The following LOXHD1 variants were observed in gnomAD, a reference collection of about 807,000 sequenced individuals.
LOXHD1 encodes the protein lipoxygenase homology PLAT domains 1.
LOXHD1 carries 205 observed loss-of-function variants against 248.2 expected under a neutral mutation model. The observed-to-expected ratio is 0.83, with a 90% CI of 0.74 to 0.93. The LOEUF (loss-of-function observed/expected upper bound fraction) is 0.93. Among genes scored for constraint, LOXHD1 ranks in the 40% least tolerant of loss-of-function variants. The probability of loss-of-function intolerance (pLI) is 0.00; values close to 1 mark genes in which losing one functional copy is unlikely to be tolerated. For synonymous variants in LOXHD1, 1,113 were observed against 1,162.8 expected, an observed-to-expected ratio of 0.96 and a Z score of 0.87; for missense variants, 2,930 against 2,971.6, an observed-to-expected ratio of 0.99 and a Z score of 0.33.
At chr18:46,646,352 C>G (rs958086945) in intron 2 of LOXHD1, among the ~76,000 whole-genome samples, 3 of 152,178 alleles carry the variant, frequency 2.0e-5, no homozygotes, top group Admixed American at 6.5e-5. Flanking sequence ...TGGAATTCCT[C>G]AGAAAGCAAT....
At chr18:46,538,443 T>G (rs1279064541) in intron 25 of LOXHD1, 106 bp from the exon 26 acceptor site, 1 of 1,138,942 alleles carries the variant, frequency 8.8e-7, no homozygotes, top group Non-Finnish European at 1.3e-6. Context: ...ACCCTTGCAC[T>G]GGGGAACTGC....
Position 46,507,656 on chromosome 18 carries a change from C to G in LOXHD1, c.5574G>C (p.Trp1858Cys). 1 of 1,551,732 alleles carries G rather than the reference C, an allele frequency of 6.4e-7. No individual in the cohort carries two copies. The highest frequency in any genetic ancestry group is 2.4e-5 in the East Asian group (1 of 40,910). ...TCTTCTTGCCCTTCCGCTGGGACAG[C>G]CAGTCTCCATAGTAGAACATGGTCA... Reference protein sequence around the residue: ...GDLTMFYYGDWLSQRKGKKTL... With the variant: ...GDLTMFYYGDCLSQRKGKKTL... The change falls in exon 36 of 41, where the codon TGG (tryptophan) becomes TGC (cysteine). Residue 1858 changes from tryptophan (W) to cysteine (C), a missense_variant. Trp to Cys is a radical substitution (Grantham distance 215). Transcript: ENST00000642948.
intron 26 of LOXHD1, among the ~76,000 whole-genome samples, chr18:46,536,905 C>T (rs540822847): frequency 6.6e-6 from 1 of 152,304 alleles, no homozygotes; most frequent in Admixed American, 6.5e-5. Context: ...GAGGGCCCAG[C>T]CTTCTGAGGC....
At position 46,546,925 on chromosome 18, in the gene LOXHD1, G is replaced by T. The variant is rs1568168739; in HGVS notation, c.3484C>A (p.Pro1162Thr). The T allele has an allele frequency of 1.3e-6, 2 of 1,551,532 alleles. No homozygotes were observed. The highest frequency in any genetic ancestry group is 4.9e-5 in the East Asian group (2 of 40,918). ...TGCTCCAGGGCCAGGTTGTCGAGGG[G>T]GTTGTTGTCACCGCCTCCCCTACCC... ...EEGRGGGDNN[P>T]LDNLALEQKD... The change falls in exon 22 of 41, where the codon CCC becomes ACC. Residue 1162 changes from proline (P) to threonine (T), a missense_variant. Physicochemically the swap from Pro to Thr is conservative, Grantham distance 38. Transcript: ENST00000642948.
chr18:46,589,411 T>C (rs2038123540), intron 12 of LOXHD1, among the ~76,000 whole-genome samples: 7 of 152,180 alleles, frequency 4.6e-5, no homozygotes, highest in Admixed American at 4.6e-4. Context: ...ACAGATTCTT[T>C]TGTTTTCATT....
rs77939017 is a variant in LOXHD1, at chr18:46,490,380, G to A, written c.5879-1238C>T. ...TCCAGGTTGAAAAAGTACTTCTTAC[G>A]TTTTGTAAACACAGGTCTTCACTGA... On this transcript the variant is annotated intron_variant, in intron 37 of 40. Transcript: ENST00000642948. Among the ~76,000 whole-genome samples the A allele has an allele frequency of 6.6e-3, 1,008 of 152,300 alleles. 9 individuals carry two copies. The highest frequency in any genetic ancestry group is 0.023 in the African/African-American group (939 of 41,556).
intron 3 of LOXHD1, among the ~76,000 whole-genome samples, chr18:46,640,855 C>G (rs1324827147): frequency 6.6e-6 from 1 of 152,116 alleles, no homozygotes; most frequent in Non-Finnish European, 1.5e-5. Flanking sequence ...TTTCTTGACC[C>G]CTGGACCTCA....
At chr18:46,617,530 G>A (rs1297494218) in intron 5 of LOXHD1, among the ~76,000 whole-genome samples, 2 of 148,786 alleles carry the variant, frequency 1.3e-5, no homozygotes, top group African/African-American at 2.4e-5. Flanking sequence ...CTGGCACCTG[G>A]AGATTTCTCT....
chr18:46,483,881 C>T (rs977164752), intron 39 of LOXHD1, 136 bp from the exon 40 acceptor site: 8 of 1,044,146 alleles, frequency 7.7e-6, no homozygotes, highest in Non-Finnish European at 1.1e-5. Flanking sequence ...TCATGGCAGT[C>T]CTGGAGGCTT....
intron 2 of LOXHD1, among the ~76,000 whole-genome samples, chr18:46,647,346 T>C (rs2039044529): frequency 2.0e-5 from 3 of 152,182 alleles, no homozygotes; most frequent in Admixed American, 6.5e-5. Flanking sequence ...CAGGGGCCCT[T>C]CCTGAGAAGA....
At chr18:46,593,571 C>T (rs1269344183) in intron 10 of LOXHD1, 29 bp downstream of exon 10, 1 of 1,549,880 alleles carries the variant, frequency 6.5e-7, no homozygotes, top group Non-Finnish European at 8.7e-7. Flanking sequence ...CCTCCTTTCT[C>T]CCTCCCATCC....
intron 2 of LOXHD1, among the ~76,000 whole-genome samples, chr18:46,645,635 G>A (rs1227143682): frequency 1.3e-5 from 2 of 152,148 alleles, no homozygotes; most frequent in Non-Finnish European, 2.9e-5. Context: ...ACTGGGGTGG[G>A]GTCGGGGTAG....
intron 33 of LOXHD1, 79 bp downstream of exon 33, chr18:46,521,018 C>T: frequency 6.8e-7 from 1 of 1,481,250 alleles, no homozygotes; most frequent in Non-Finnish European, 9.1e-7. Context: ...ACTTCTTCCA[C>T]TTCTGTCTCC....
intron 37 of LOXHD1, among the ~76,000 whole-genome samples, chr18:46,498,547 C>G (rs1219192117): frequency 6.6e-6 from 1 of 152,156 alleles, no homozygotes; most frequent in South Asian, 2.1e-4. Context: ...AGAGAAGAAT[C>G]CTTCCTTGTG....
intron 29 of LOXHD1, 44 bp from the exon 30 acceptor site, chr18:46,524,961 C>A: frequency 6.5e-7 from 1 of 1,542,274 alleles, no homozygotes; most frequent in Non-Finnish European, 8.8e-7. Flanking sequence ...GTGTGCCACC[C>A]ACTCAACCCA....
chr18:46,524,010 ACT>A (rs971176084), intron 31 of LOXHD1, among the ~76,000 whole-genome samples: 1 of 152,072 alleles, frequency 6.6e-6, no homozygotes, highest in African/African-American at 2.4e-5. Flanking sequence ...TTGCCAGGGA[ACT>A]CTGATATTGT....
At chr18:46,640,195 T>C (rs751017143) in intron 3 of LOXHD1, among the ~76,000 whole-genome samples, 8 of 152,138 alleles carry the variant, frequency 5.3e-5, no homozygotes, top group East Asian at 1.9e-4. Context: ...ACAACACTTC[T>C]TGATATCCAG....
At chr18:46,502,644 C>T (rs2034308463) in intron 37 of LOXHD1, among the ~76,000 whole-genome samples, 1 of 152,094 alleles carries the variant, frequency 6.6e-6, no homozygotes, top group African/African-American at 2.4e-5. Context: ...TCCTCTTGCC[C>T]CTGCCCCTGC....
chr18:46,576,054 G>T (rs990834939), intron 14 of LOXHD1, among the ~76,000 whole-genome samples: 1 of 151,942 alleles, frequency 6.6e-6, no homozygotes, highest in Non-Finnish European at 1.5e-5. Flanking sequence ...TCTAGCCCCG[G>T]CTCCAGCCCC....
Sources: allele counts gnomAD v4.1 joint callset (sites outside exome capture counted in the v4.1 genomes callset), GRCh38; gene constraint gnomAD v4.1.1; transcripts MANE v1.5; gene names NCBI Gene and HGNC (gene_info 2026-07-23, HGNC 2026-07-21).